The following EPHA5 variants were observed in gnomAD, a reference collection of about 807,000 sequenced individuals.
EPHA5 encodes EPH receptor A5.
EPHA5 carries 60 observed loss-of-function variants against 105.0 expected under a neutral mutation model. The observed-to-expected ratio is 0.57, with a 90% CI of 0.46 to 0.71. EPHA5 has a LOEUF of 0.71. Among genes scored for constraint, EPHA5 ranks in the 30% least tolerant of loss-of-function variants. The pLI is 0.00. For missense variants in EPHA5, 1,218 were observed against 1,274.7 expected, an observed-to-expected ratio of 0.96 and a Z score of 0.68; for synonymous variants, 513 against 449.1, an observed-to-expected ratio of 1.14 and a Z score of -1.80.
At chr4:65,373,251 C>T (rs1372486589) in intron 8 of EPHA5, among the ~76,000 whole-genome samples, 3 of 151,746 alleles carry the variant, frequency 2.0e-5, no homozygotes, top group East Asian at 3.9e-4. Context: ...CTTAGCAAGC[C>T]TTCCATTGAA....
chr4:65,657,765 G>A (rs6551939), intron 1 of EPHA5, among the ~76,000 whole-genome samples: 41,195 of 151,694 alleles, frequency 0.27, 6,140 homozygotes, highest in Non-Finnish European at 0.33. Context: ...AATAATATTC[G>A]TTCACTAAAC....
At chr4:65,465,551 GA>G (rs1728627444) in intron 5 of EPHA5, among the ~76,000 whole-genome samples, 7 of 71,136 alleles carry the variant, frequency 9.8e-5, no homozygotes, top group African/African-American at 3.2e-4. Context: ...GGAAGGAAAG[GA>G]AGGAAAGGAA....
intron 2 of EPHA5, among the ~76,000 whole-genome samples, chr4:65,633,822 A>T (rs370844421): frequency 6.6e-6 from 1 of 152,204 alleles, no homozygotes; most frequent in East Asian, 1.9e-4. Context: ...CTCTTTGTTC[A>T]CATGTTTGCT....
chr4:65,490,959 T>A (rs965824017), intron 4 of EPHA5, among the ~76,000 whole-genome samples: 5 of 152,160 alleles, frequency 3.3e-5, no homozygotes, highest in Admixed American at 2.0e-4. Flanking sequence ...TTCATGTATA[T>A]GTAAACAATT....
At chr4:65,422,283 A>C (rs1167632330) in intron 5 of EPHA5, among the ~76,000 whole-genome samples, 1 of 151,898 alleles carries the variant, frequency 6.6e-6, no homozygotes, top group Non-Finnish European at 1.5e-5. Context: ...GATGCTGACA[A>C]CTCCTGGGGA....
At chr4:65,424,918 T>G (rs988042685) in intron 5 of EPHA5, among the ~76,000 whole-genome samples, 2 of 152,074 alleles carry the variant, frequency 1.3e-5, no homozygotes, top group African/African-American at 4.8e-5. Context: ...GTGAACATGA[T>G]GAAAACATGA....
intron 5 of EPHA5, among the ~76,000 whole-genome samples, chr4:65,440,293 G>C (rs1725884825): frequency 6.6e-6 from 1 of 151,890 alleles, no homozygotes; most frequent in South Asian, 2.1e-4. Context: ...TCATTAAAAA[G>C]TTTCTTCAAT....
chr4:65,369,205 T>C (rs1718216958), intron 8 of EPHA5, among the ~76,000 whole-genome samples: 1 of 152,196 alleles, frequency 6.6e-6, no homozygotes, highest in Non-Finnish European at 1.5e-5. Context: ...AAAGATGTTT[T>C]GATTATGTCT....
At chr4:65,338,419 T>C (rs1721387022) in intron 14 of EPHA5, among the ~76,000 whole-genome samples, 1 of 152,160 alleles carries the variant, frequency 6.6e-6, no homozygotes, top group Non-Finnish European at 1.5e-5. Context: ...TTTCATAATT[T>C]GCCCTTTCTC....
intron 11 of EPHA5, among the ~76,000 whole-genome samples, chr4:65,354,020 A>G (rs1723072955): frequency 6.6e-6 from 1 of 151,794 alleles, no homozygotes; most frequent in African/African-American, 2.4e-5. Context: ...TTTTCATCCC[A>G]GAGCAATCAC....
At chr4:65,499,891 A>T (rs1423594239) in intron 3 of EPHA5, among the ~76,000 whole-genome samples, 1 of 151,244 alleles carries the variant, frequency 6.6e-6, no homozygotes, top group East Asian at 1.9e-4. Context: ...ATCTGAAACA[A>T]TTTGGAAGAC....
intron 1 of EPHA5, among the ~76,000 whole-genome samples, chr4:65,644,451 T>C (rs994984746): frequency 6.6e-6 from 1 of 152,046 alleles, no homozygotes; most frequent in African/African-American, 2.4e-5. Context: ...GGGAAACACG[T>C]GAGTTATTCC....
intron 2 of EPHA5, among the ~76,000 whole-genome samples, chr4:65,612,325 C>A (rs548929670): frequency 2.0e-5 from 3 of 152,216 alleles, no homozygotes; most frequent in Admixed American, 6.5e-5. Context: ...CATCCCCCTC[C>A]CACCCTCTCA....
chr4:65,535,784 T>C (rs1177615852), intron 3 of EPHA5, among the ~76,000 whole-genome samples: 1 of 151,968 alleles, frequency 6.6e-6, no homozygotes, highest in Admixed American at 6.6e-5. Flanking sequence ...GAAACAGTAG[T>C]ATTGATTTGG....
At chr4:65,568,209 G>A (rs185959164) in intron 3 of EPHA5, among the ~76,000 whole-genome samples, 1 of 151,454 alleles carries the variant, frequency 6.6e-6, no homozygotes, top group Admixed American at 6.6e-5. Context: ...AAGGTAGATA[G>A]CTCATTGAGG....
rs1748073861 is a variant in EPHA5, at chr4:65,645,878, C to A, written c.182-2451G>T. Among the ~76,000 whole-genome samples, 4 of 151,984 alleles carry A rather than the reference C, an allele frequency of 2.6e-5. No homozygotes were observed. In the South Asian group the frequency reaches 8.3e-4, roughly 32 times the overall value. On this transcript the variant is annotated intron_variant, in intron 1 of 16. Coordinates refer to ENST00000613740, the MANE Select transcript of EPHA5 (RefSeq NM_001281766.3). ...CCTAAAATTGTGGTCCTTCTGGAAA[C>A]AAATGATTTCATAAAATTCACAATC...
chr4:65,475,016 A>ATG (rs1729654275), intron 5 of EPHA5, among the ~76,000 whole-genome samples: 1 of 152,104 alleles, frequency 6.6e-6, no homozygotes, highest in Non-Finnish European at 1.5e-5. Context: ...GCTTTCACAG[A>ATG]TGTGTACATT....
intron 3 of EPHA5, among the ~76,000 whole-genome samples, chr4:65,504,635 G>C (rs1732825341): frequency 6.6e-6 from 1 of 151,880 alleles, no homozygotes; most frequent in Admixed American, 6.6e-5. Flanking sequence ...GGATGTGCTT[G>C]ACATATAGTA....
chr4:65,605,386 C>T lies in EPHA5; in HGVS notation c.247-3082G>A, dbSNP rs1283854142. Among the ~76,000 whole-genome samples the T allele has an allele frequency of 2.0e-5, 3 of 152,170 alleles. 1 individual carries two copies. Among genetic ancestry groups the T allele is most frequent in the South Asian group, 4.1e-4 (2 of 4,830 alleles). The stretch of plus-strand genomic sequence containing the variant: ...ATCTGCCTCTCATTGCTCTCTTGGC[C>T]TTCTGGTATCAAGCGCCTGCTGTTT... On this transcript the variant is annotated intron_variant, in intron 2 of 16. Coordinates refer to ENST00000613740, the MANE Select transcript of EPHA5 (RefSeq NM_001281766.3).
Sources: allele counts gnomAD v4.1 joint callset (sites outside exome capture counted in the v4.1 genomes callset), GRCh38; gene constraint gnomAD v4.1.1; transcripts MANE v1.5; gene names NCBI Gene and HGNC (gene_info 2026-07-23, HGNC 2026-07-21).